Variants in CTNNA2 observed in about 807,000 individuals in gnomAD.
The protein encoded by CTNNA2 is catenin alpha-2.
A neutral mutation model predicts 101.0 loss-of-function variants in CTNNA2; 42 were observed. The observed-to-expected ratio is 0.42, with a 90% confidence interval of 0.32 to 0.54. CTNNA2 has a LOEUF of 0.54. Ranked by LOEUF, CTNNA2 falls within the 20% of genes least tolerant of loss-of-function variation. The pLI is 0.14. For synonymous variants in CTNNA2, 450 were observed against 456.4 expected (o/e 0.99, Z 0.18); for missense variants, 871 against 1,223.1 (o/e 0.71, Z 4.29).
At chr2:80,525,857 T>C (rs1162833670) in intron 9 of CTNNA2, among the ~76,000 whole-genome samples, 2 of 152,176 alleles carry the variant, frequency 1.3e-5, no homozygotes, top group African/African-American at 4.8e-5. Flanking sequence ...GCCTGGGACC[T>C]GCAAACAGAC....
At chr2:79,620,817 G>T (rs2104285653) in intron 1 of CTNNA2, among the ~76,000 whole-genome samples, 1 of 152,260 alleles carries the variant, frequency 6.6e-6, no homozygotes, top group Middle Eastern at 3.4e-3. Context: ...GGCAAGCTGA[G>T]GGCATCATGT....
upstream of CTNNA2, among the ~76,000 whole-genome samples, chr2:79,511,952 A>G (rs985084936): frequency 6.6e-6 from 1 of 152,206 alleles, no homozygotes; most frequent in South Asian, 2.1e-4. Flanking sequence ...CGGTTGTGTC[A>G]TACTAAACTT....
intron 7 of CTNNA2, among the ~76,000 whole-genome samples, chr2:80,362,940 C>T (rs988110949): frequency 6.0e-5 from 9 of 149,686 alleles, no homozygotes; most frequent in Non-Finnish European, 3.0e-5. Context: ...TGCTATATAT[C>T]AGGCCTGTGA....
intron 7 of CTNNA2, among the ~76,000 whole-genome samples, chr2:80,257,697 A>T (rs1367279664): frequency 1.3e-5 from 2 of 152,200 alleles, no homozygotes; most frequent in Admixed American, 6.5e-5. Flanking sequence ...TGTGGATGTG[A>T]TTATTTTCTC....
chr2:79,956,773 G>A (rs1419197703), intron 7 of CTNNA2, among the ~76,000 whole-genome samples: 1 of 145,238 alleles, frequency 6.9e-6, no homozygotes, highest in Non-Finnish European at 1.5e-5. Context: ...GACAGAAAGA[G>A]TAATACAATG....
At chr2:79,629,084 C>A in intron 1 of CTNNA2, among the ~76,000 whole-genome samples, 2 of 152,302 alleles carry the variant, frequency 1.3e-5, no homozygotes, top group Middle Eastern at 3.4e-3. Flanking sequence ...CCCCACTCTC[C>A]ACTTCCGTCC....
intron 2 of CTNNA2, among the ~76,000 whole-genome samples, chr2:79,226,251 C>T (rs542958904): frequency 2.6e-5 from 4 of 152,072 alleles, no homozygotes; most frequent in Admixed American, 6.6e-5. Flanking sequence ...CTTCACTGTC[C>T]GTCACACACA....
At chr2:79,457,929 C>G (rs1558670831) in intron 4 of CTNNA2, among the ~76,000 whole-genome samples, 1 of 152,206 alleles carries the variant, frequency 6.6e-6, no homozygotes, top group Non-Finnish European at 1.5e-5. Flanking sequence ...CTAGTTCTCT[C>G]TAGCCACTGC....
chr2:79,653,290 T>C (rs767013735), intron 2 of CTNNA2, among the ~76,000 whole-genome samples: 2 of 129,808 alleles, frequency 1.5e-5, no homozygotes, highest in Non-Finnish European at 3.4e-5. Flanking sequence ...CTCCTACCTG[T>C]AGAATTTTGA....
intron 9 of CTNNA2, among the ~76,000 whole-genome samples, chr2:80,485,262 T>C (rs1473495742): frequency 6.6e-6 from 1 of 152,178 alleles, no homozygotes; most frequent in Non-Finnish European, 1.5e-5. Flanking sequence ...AGTGACATCA[T>C]TCATCCTTTT....
At chr2:80,234,953 C>A (rs1320921609) in intron 7 of CTNNA2, among the ~76,000 whole-genome samples, 1 of 151,942 alleles carries the variant, frequency 6.6e-6, no homozygotes, top group African/African-American at 2.4e-5. Context: ...TAAATATTTA[C>A]TTACCAAAGA....
At chr2:79,287,917 C>T (rs1675660441) in intron 2 of CTNNA2, among the ~76,000 whole-genome samples, 1 of 152,228 alleles carries the variant, frequency 6.6e-6, no homozygotes, top group African/African-American at 2.4e-5. Flanking sequence ...GGGCGTCGGA[C>T]CCTCTGAGCC....
intron 8 of CTNNA2, among the ~76,000 whole-genome samples, chr2:80,395,426 C>G (rs1170796126): frequency 6.6e-6 from 1 of 152,182 alleles, no homozygotes; most frequent in African/African-American, 2.4e-5. Flanking sequence ...TGACGATGGT[C>G]CCCATCTGTC....
intron 2 of CTNNA2, among the ~76,000 whole-genome samples, chr2:79,653,888 G>C (rs13022841): frequency 0.054 from 8,291 of 152,168 alleles, 308 homozygotes; most frequent in Non-Finnish European, 0.073. Flanking sequence ...AATCCGTCCA[G>C]CTGAGCTTTC....
chr2:80,306,400 T>TTTTCTTTCGTTC (rs1676975645), intron 7 of CTNNA2, among the ~76,000 whole-genome samples: 1 of 109,200 alleles, frequency 9.2e-6, no homozygotes, highest in South Asian at 3.3e-4. Flanking sequence ...TTTTCTTTTC[T>TTTTCTTTCGTTC]TTTCTTTCTT....
chr2:79,296,601 AAGAC>A (rs1299129337), intron 2 of CTNNA2, among the ~76,000 whole-genome samples: 1 of 152,170 alleles, frequency 6.6e-6, no homozygotes, highest in Non-Finnish European at 1.5e-5. Context: ...TGTAAAAAGT[AAGAC>A]AGACAAGGAC....
intron 7 of CTNNA2, among the ~76,000 whole-genome samples, chr2:80,249,023 G>T (rs562321100): frequency 1.3e-5 from 2 of 152,152 alleles, no homozygotes; most frequent in African/African-American, 4.8e-5. Flanking sequence ...TTCTAATCAG[G>T]GTTTTAGTAG....
At chr2:79,244,504 T>C (rs1238722886) in intron 2 of CTNNA2, among the ~76,000 whole-genome samples, 1 of 152,184 alleles carries the variant, frequency 6.6e-6, no homozygotes, top group Non-Finnish European at 1.5e-5. Flanking sequence ...TTGTGTAAAT[T>C]CATGCTGAGG....
At chr2:79,286,020 G>T (rs900418175) in intron 2 of CTNNA2, among the ~76,000 whole-genome samples, 1 of 150,356 alleles carries the variant, frequency 6.7e-6, no homozygotes, top group African/African-American at 2.5e-5. Flanking sequence ...GGCCTTCTTT[G>T]TCTCTTTTGA....
Sources: allele counts gnomAD v4.1 joint callset (sites outside exome capture counted in the v4.1 genomes callset), GRCh38; gene constraint gnomAD v4.1.1; transcripts MANE v1.5; gene names NCBI Gene and HGNC (gene_info 2026-07-23, HGNC 2026-07-21).